VSNL1: variants seen among roughly 807,000 people sequenced by gnomAD.
The protein encoded by VSNL1 is visinin like 1.
Under a neutral mutation model 20.4 loss-of-function variants are expected in VSNL1, and 6 were observed. The observed-to-expected ratio is 0.29, with a 90% CI of 0.16 to 0.58. VSNL1 has a LOEUF of 0.58. VSNL1 is among the 20% of genes least tolerant of loss of function. The probability of loss-of-function intolerance (pLI) is 0.90; values close to 1 mark genes in which losing one functional copy is unlikely to be tolerated. For missense variants in VSNL1, 100 were observed against 234.5 expected (o/e 0.43, Z 3.75); for synonymous variants, 93 against 86.4 (o/e 1.08, Z -0.42).
upstream of VSNL1, chr2:17,540,563 C>A (rs1430509787): frequency 6.5e-6 from 1 of 152,756 alleles, no homozygotes; most frequent in East Asian, 1.9e-4. Flanking sequence ...TCACAGGCTC[C>A]CGAGTTCTCC....
intron 1 of VSNL1, among the ~76,000 whole-genome samples, chr2:17,587,811 A>G (rs62132090): frequency 0.098 from 14,847 of 152,246 alleles, 1,038 homozygotes; most frequent in African/African-American, 0.19. Context: ...GGAAACAATC[A>G]TAATCTCTTT....
At chr2:17,635,135 A>G (rs1665722575) in intron 2 of VSNL1, among the ~76,000 whole-genome samples, 1 of 152,154 alleles carries the variant, frequency 6.6e-6, no homozygotes, top group African/African-American at 2.4e-5. Context: ...CTGCAAACAC[A>G]GGTGCCAAAA....
chr2:17,562,477 T>C (rs1008513251), intron 1 of VSNL1, among the ~76,000 whole-genome samples: 1 of 152,190 alleles, frequency 6.6e-6, no homozygotes, highest in Non-Finnish European at 1.5e-5. Flanking sequence ...AATTTCACAT[T>C]CTTTAGAAAC....
intron 2 of VSNL1, among the ~76,000 whole-genome samples, chr2:17,612,371 G>A (rs951836645): frequency 6.6e-6 from 1 of 152,158 alleles, no homozygotes; most frequent in African/African-American, 2.4e-5. Flanking sequence ...GGCCCCTTCC[G>A]CCTCCATGTA....
chr2:17,558,164 GA>G (rs1663732821), intron 1 of VSNL1, among the ~76,000 whole-genome samples: 1 of 152,124 alleles, frequency 6.6e-6, no homozygotes, highest in South Asian at 2.1e-4. Context: ...AGAATACTTT[GA>G]AATGCTTATG....
chr2:17,609,220 C>A (rs753417346), intron 2 of VSNL1, among the ~76,000 whole-genome samples: 3 of 152,116 alleles, frequency 2.0e-5, no homozygotes, highest in Non-Finnish European at 4.4e-5. Context: ...CATGACCTTA[C>A]CTGGCTCACC....
rs67537461 is a variant in VSNL1, at chr2:17,587,348, A to AACACACACAC, written c.-5-4684_-5-4675dup. Among the ~76,000 whole-genome samples the AACACACACAC allele has an allele frequency of 2.1e-3, 283 of 134,650 alleles. 1 individual carries two copies. The highest frequency in any genetic ancestry group is 6.7e-3 in the African/African-American group (234 of 34,914). The allele number at this position is 134,650 out of a possible 152,430, so 88.3% of individuals were successfully genotyped here. On this transcript the variant is annotated intron_variant, in intron 1 of 3. Transcript: ENST00000295156. ...AGTAGGTAAGAGACAGGCTGAGGGC[A>AACACACACAC]ACACACACACACACACACACACACA...
intron 2 of VSNL1, among the ~76,000 whole-genome samples, chr2:17,636,921 C>G (rs1665763220): frequency 6.6e-6 from 1 of 152,208 alleles, no homozygotes; most frequent in Non-Finnish European, 1.5e-5. Context: ...AAAGCCAGAC[C>G]TGGAACAAGT....
At chr2:17,562,367 A>G (rs538393013) in intron 1 of VSNL1, among the ~76,000 whole-genome samples, 1 of 152,330 alleles carries the variant, frequency 6.6e-6, no homozygotes, top group East Asian at 1.9e-4. Flanking sequence ...CCCCACCTTC[A>G]GACTTCACCC....
chr2:17,549,295 G>T (rs1663472679), intron 1 of VSNL1, among the ~76,000 whole-genome samples: 1 of 152,218 alleles, frequency 6.6e-6, no homozygotes, highest in South Asian at 2.1e-4. Context: ...CTGAGTGTTT[G>T]TAGAAGTGTG....
At chr2:17,559,508 T>C (rs1292178622) in intron 1 of VSNL1, among the ~76,000 whole-genome samples, 1 of 152,156 alleles carries the variant, frequency 6.6e-6, no homozygotes, top group East Asian at 1.9e-4. Context: ...ACAACCTTGG[T>C]ATTCTTGGCT....
At chr2:17,564,391 C>T (rs1572334911) in intron 1 of VSNL1, among the ~76,000 whole-genome samples, 1 of 152,078 alleles carries the variant, frequency 6.6e-6, no homozygotes, top group Admixed American at 6.5e-5. Flanking sequence ...TTAAATGTAC[C>T]TTTATTACAC....
chr2:17,577,943 A>G (rs1341636450), intron 1 of VSNL1, among the ~76,000 whole-genome samples: 1 of 152,198 alleles, frequency 6.6e-6, no homozygotes, highest in Non-Finnish European at 1.5e-5. Flanking sequence ...CCTTCTCGGT[A>G]AGCCTCATTC....
chr2:17,643,440 C>T (rs1159849346), intron 2 of VSNL1, among the ~76,000 whole-genome samples: 1 of 152,144 alleles, frequency 6.6e-6, no homozygotes, highest in Non-Finnish European at 1.5e-5. Flanking sequence ...CAGGCAGCTT[C>T]CAGAGCACAT....
At chr2:17,609,538 C>T (rs1310722259) in intron 2 of VSNL1, among the ~76,000 whole-genome samples, 1 of 152,196 alleles carries the variant, frequency 6.6e-6, no homozygotes, top group African/African-American at 2.4e-5. Flanking sequence ...TTCTGAAGGT[C>T]AAGTGCAAGA....
intron 2 of VSNL1, among the ~76,000 whole-genome samples, chr2:17,610,861 C>A (rs1313081188): frequency 2.0e-5 from 3 of 152,166 alleles, no homozygotes; most frequent in Non-Finnish European, 4.4e-5. Context: ...TGCTTTGATC[C>A]AGTAGTGCCA....
intron 2 of VSNL1, among the ~76,000 whole-genome samples, chr2:17,622,550 A>C (rs1665397831): frequency 4.2e-5 from 4 of 94,734 alleles, no homozygotes; most frequent in South Asian, 3.0e-4. Context: ...GAAAGAAAGA[A>C]AGAAAGAAAG....
intron 1 of VSNL1, among the ~76,000 whole-genome samples, chr2:17,578,163 A>G (rs1664261049): frequency 6.6e-6 from 1 of 152,210 alleles, no homozygotes; most frequent in Non-Finnish European, 1.5e-5. Context: ...TGAACAGGAT[A>G]AGAAAAACTC....
rs992489814 is a variant in VSNL1 at position 17,575,397 on chromosome 2, T to C, written c.-5-16673T>C. ...TAAAATAATTGAAATAACACAATAG[T>C]GGGAGTTAGGAAACCTGGTTGTTTT... On this transcript the variant is annotated intron_variant, in intron 1 of 3. Coordinates refer to ENST00000295156, the MANE Select transcript of VSNL1 (RefSeq NM_003385.5). Among the ~76,000 whole-genome samples the C allele has an allele frequency of 3.3e-5, 5 of 152,216 alleles. No homozygotes were observed. In the South Asian group the frequency reaches 8.3e-4, roughly 25 times the overall value.
Sources: gnomAD v4.1 joint callset for allele counts (sites outside exome capture counted in the v4.1 genomes callset) on GRCh38, gnomAD v4.1.1 for gene constraint, MANE v1.5 for transcripts, NCBI Gene and HGNC (gene_info 2026-07-23, HGNC 2026-07-21) for gene names.